The following BRINP3 variants were observed in gnomAD, a reference collection of about 807,000 sequenced individuals.
The protein encoded by BRINP3 is BMP/retinoic acid inducible neural specific 3.
A neutral mutation model predicts 71.0 loss-of-function variants in BRINP3; 19 were observed. The observed-to-expected ratio is 0.27, with a 90% CI of 0.19 to 0.39. The LOEUF is 0.39. Among genes scored for constraint, BRINP3 ranks in the 10% least tolerant of loss-of-function variants. BRINP3 has a pLI of 1.00. For missense variants in BRINP3, 959 were observed against 940.8 expected (o/e 1.02, Z -0.25); for synonymous variants, 380 against 337.7 (o/e 1.13, Z -1.37).
chr1:190,351,751 C>A (rs1329538390), intron 2 of BRINP3, among the ~76,000 whole-genome samples: 1 of 152,012 alleles, frequency 6.6e-6, no homozygotes, highest in Non-Finnish European at 1.5e-5. Flanking sequence ...TCAGTAATTT[C>A]TTATGATACA....
At chr1:190,328,723 A>G (rs1666770176) in intron 2 of BRINP3, among the ~76,000 whole-genome samples, 2 of 125,830 alleles carry the variant, frequency 1.6e-5, no homozygotes, top group South Asian at 4.8e-4. Flanking sequence ...ACAATGAAGA[A>G]AAAAAAAAAA....
intron 2 of BRINP3, among the ~76,000 whole-genome samples, chr1:190,298,061 C>T (rs571805633): frequency 6.6e-6 from 1 of 152,068 alleles, no homozygotes; most frequent in Non-Finnish European, 1.5e-5. Context: ...AATCTGTGGT[C>T]GTTTGTGCTT....
chr1:190,357,388 C>A (rs1250087566), intron 2 of BRINP3, among the ~76,000 whole-genome samples: 1 of 151,912 alleles, frequency 6.6e-6, no homozygotes, highest in African/African-American at 2.4e-5. Context: ...CTACTAATTT[C>A]ATTTACTTAA....
Position 190,103,737 on chromosome 1 carries a change from G to A in BRINP3, c.1185-4603C>T, listed in dbSNP as rs146743531. On this transcript the variant is annotated intron_variant, in intron 7 of 7. Coordinates refer to ENST00000367462, the MANE Select transcript of BRINP3 (RefSeq NM_199051.3). ...ACAGCAGATGGCTTTTAATTTATAT[G>A]CATTTTGGGGCTCCGTGGCAACTAT... Among the ~76,000 whole-genome samples the A allele has an allele frequency of 9.8e-4, 149 of 152,092 alleles. 1 individual carries two copies. The highest frequency in any genetic ancestry group is 3.5e-3 in the African/African-American group (144 of 41,510).
chr1:190,104,732 G>A (rs1246102891), intron 7 of BRINP3, among the ~76,000 whole-genome samples: 1 of 151,988 alleles, frequency 6.6e-6, no homozygotes, highest in Non-Finnish European at 1.5e-5. Context: ...CATTCTAGAT[G>A]TGTAACGCTT....
intron 2 of BRINP3, among the ~76,000 whole-genome samples, chr1:190,423,871 A>G (rs749284994): frequency 6.6e-6 from 1 of 151,632 alleles, no homozygotes; most frequent in Non-Finnish European, 1.5e-5. Flanking sequence ...TAGGGATTTT[A>G]TAATTTTGTA....
At chr1:190,393,308 G>A (rs1208039777) in intron 2 of BRINP3, among the ~76,000 whole-genome samples, 1 of 151,668 alleles carries the variant, frequency 6.6e-6, no homozygotes, top group South Asian at 2.1e-4. Context: ...GAGAGGAATC[G>A]GGTATTACTA....
chr1:190,304,706 G>A (rs1664974308), intron 2 of BRINP3, among the ~76,000 whole-genome samples: 1 of 151,826 alleles, frequency 6.6e-6, no homozygotes. Context: ...GTCTAGGTTA[G>A]GATGTTTTGG....
intron 2 of BRINP3, among the ~76,000 whole-genome samples, chr1:190,434,051 C>A (rs1297569869): frequency 6.6e-6 from 1 of 152,010 alleles, no homozygotes; most frequent in African/African-American, 2.4e-5. Context: ...GTAAAATAAC[C>A]ATGTCTTTTT....
chr1:190,434,593 T>C (rs963652727), intron 2 of BRINP3, among the ~76,000 whole-genome samples: 1 of 151,808 alleles, frequency 6.6e-6, no homozygotes, highest in African/African-American at 2.4e-5. Flanking sequence ...TAAATATATA[T>C]ATATTTATTG....
intron 6 of BRINP3, among the ~76,000 whole-genome samples, chr1:190,163,326 G>A (rs1651185270): frequency 6.6e-6 from 1 of 151,920 alleles, no homozygotes; most frequent in Non-Finnish European, 1.5e-5. Flanking sequence ...TACTTTTGGG[G>A]ATACATAAAT....
chr1:190,370,607 T>A (rs1046530516), intron 2 of BRINP3, among the ~76,000 whole-genome samples: 5 of 152,292 alleles, frequency 3.3e-5, no homozygotes, highest in Admixed American at 1.3e-4. Context: ...TAACCAGACT[T>A]ATGCGAAAAG....
rs182930617 is a variant in BRINP3, at chr1:190,397,528, G to A, written c.236+57127C>T. Among the ~76,000 whole-genome samples, 8 of 151,908 alleles carry A rather than the reference G, an allele frequency of 5.3e-5. No individual in the cohort carries two copies. The East Asian group carries it at 1.6e-3, about 29-fold the overall frequency. On this transcript the variant is annotated intron_variant, in intron 2 of 7. Coordinates refer to ENST00000367462, the MANE Select transcript of BRINP3 (RefSeq NM_199051.3). ...TGAAAACAATCAGTTGTGTACCTTA[G>A]ATTTCTTTCATATTATGTTCTAATT...
At chr1:190,358,386 A>G (rs1668885616) in intron 2 of BRINP3, among the ~76,000 whole-genome samples, 1 of 152,226 alleles carries the variant, frequency 6.6e-6, no homozygotes, top group Admixed American at 6.5e-5. Flanking sequence ...GAAGACATTT[A>G]TGCAGCCAAC....
chr1:190,369,787 A>G (rs1413783718), intron 2 of BRINP3, among the ~76,000 whole-genome samples: 1 of 152,186 alleles, frequency 6.6e-6, no homozygotes, highest in Non-Finnish European at 1.5e-5. Flanking sequence ...AATATGTGAC[A>G]TAATGGTCAG....
chr1:190,199,078 G>C (rs894746442), intron 6 of BRINP3, among the ~76,000 whole-genome samples: 1 of 152,148 alleles, frequency 6.6e-6, no homozygotes, highest in African/African-American at 2.4e-5. Context: ...CATCTTACAT[G>C]ATGGCAGGCA....
At chr1:190,435,733 C>G (rs1217297556) in intron 2 of BRINP3, among the ~76,000 whole-genome samples, 2 of 151,926 alleles carry the variant, frequency 1.3e-5, no homozygotes, top group African/African-American at 2.4e-5. Context: ...AAAAATTTGT[C>G]TTCCTTCTTA....
chr1:190,147,377 G>A (rs943679287), intron 7 of BRINP3, among the ~76,000 whole-genome samples: 3 of 152,020 alleles, frequency 2.0e-5, no homozygotes, highest in Admixed American at 6.6e-5. Context: ...TCAGGATAAA[G>A]TTTATATACC....
At chr1:190,101,238 C>A (rs1651672900) in intron 7 of BRINP3, among the ~76,000 whole-genome samples, 1 of 152,138 alleles carries the variant, frequency 6.6e-6, no homozygotes, top group Non-Finnish European at 1.5e-5. Context: ...GATAAATTCT[C>A]TCAAAAATTC....
Sources: gnomAD v4.1 joint callset for allele counts (sites outside exome capture counted in the v4.1 genomes callset) on GRCh38, gnomAD v4.1.1 for gene constraint, MANE v1.5 for transcripts, NCBI Gene and HGNC (gene_info 2026-07-23, HGNC 2026-07-21) for gene names.